The following RB1CC1 variants were observed in gnomAD, a reference collection of about 807,000 sequenced individuals.
RB1CC1 encodes RB1-inducible coiled-coil protein 1.
In RB1CC1, 46 loss-of-function variants were observed where a neutral mutation model predicts 177.5. The ratio of observed to expected loss-of-function variants is 0.26; its 90% CI spans 0.20 to 0.33. The LOEUF is 0.33. RB1CC1 is among the 10% of genes least tolerant of loss of function. RB1CC1 has a pLI of 1.00. For synonymous variants in RB1CC1, 666 were observed against 613.6 expected, an observed-to-expected ratio of 1.09 and a Z score of -1.26; for missense variants, 1,703 against 1,816.3, an observed-to-expected ratio of 0.94 and a Z score of 1.13.
At chr8:52,669,325 C>G (rs556044103) in intron 7 of RB1CC1, among the ~76,000 whole-genome samples, 1 of 152,092 alleles carries the variant, frequency 6.6e-6, no homozygotes, top group African/African-American at 2.4e-5. Flanking sequence ...CAAGATAAAC[C>G]GTGTTTTTCT....
chr8:52,636,093 TCA>T (rs1849122425), intron 18 of RB1CC1, 24 bp from the exon 19 acceptor site: 4 of 1,592,884 alleles, frequency 2.5e-6, no homozygotes, highest in Non-Finnish European at 3.4e-6. Context: ...TAATTGAGTT[TCA>T]GTTTGAAATT....
intron 18 of RB1CC1, among the ~76,000 whole-genome samples, chr8:52,641,417 A>G (rs375104720): frequency 6.6e-6 from 1 of 151,342 alleles, no homozygotes; most frequent in East Asian, 1.9e-4. Context: ...AAAATAAAAT[A>G]AAATAAAATA....
chr8:52,668,078 C>T lies in RB1CC1; in HGVS notation c.1116G>A (p.Leu372=). The part of the protein sequence containing the change: ...IKGLEDRLYA[L]DQMIASCGRL... ...GGCCACAGCTAGCAATCATCTGGTC[C>T]AGGGCGTAGAGCCGATCTTCAAGTC... Residue 372 remains leucine (L), a synonymous_variant, in exon 8 of 24, where the codon CTG becomes CTA. Transcript: ENST00000025008. The T allele has an allele frequency of 6.2e-7, 1 of 1,614,088 alleles. No individual in the cohort carries two copies. Among genetic ancestry groups the T allele is most frequent in the Non-Finnish European group, 8.5e-7 (1 of 1,179,984 alleles).
chr8:52,628,270 T>A, intron 21 of RB1CC1, 102 bp from the exon 22 acceptor site: 1 of 1,139,754 alleles, frequency 8.8e-7, no homozygotes, highest in East Asian at 2.6e-5. Flanking sequence ...TATTAAGATA[T>A]TAATGCAATA....
At chr8:52,666,306 G>T (rs573569824) in intron 8 of RB1CC1, among the ~76,000 whole-genome samples, 2 of 152,130 alleles carry the variant, frequency 1.3e-5, no homozygotes, top group Admixed American at 1.3e-4. Flanking sequence ...CAGGCCTGAG[G>T]TTAGGAATTT....
chr8:52,713,474 G>T (rs1050018074), intron 1 of RB1CC1, among the ~76,000 whole-genome samples: 1 of 152,214 alleles, frequency 6.6e-6, no homozygotes. Context: ...AAATCTATCC[G>T]TGGGGCGGGC....
chr8:52,677,098 G>C (rs1029275370), intron 5 of RB1CC1, among the ~76,000 whole-genome samples: 2 of 152,050 alleles, frequency 1.3e-5, no homozygotes, highest in East Asian at 1.9e-4. Flanking sequence ...ATTTATTAAG[G>C]ATAAATTACA....
chr8:52,648,719 A>G (rs1037484139), intron 15 of RB1CC1, among the ~76,000 whole-genome samples: 3 of 152,148 alleles, frequency 2.0e-5, no homozygotes, highest in Non-Finnish European at 2.9e-5. Flanking sequence ...TGGCAAAAAG[A>G]GAATGAATGG....
Position 52,657,117 on chromosome 8 carries a change from C to CTGAG in RB1CC1, c.2711_2712insCTCA (p.Glu904AspfsTer7). The CTGAG allele has an allele frequency of 6.2e-7, 1 of 1,610,138 alleles. No homozygotes were observed. On this transcript the variant is annotated frameshift_variant, in exon 15 of 24. Transcript: ENST00000025008. LOFTEE classifies it high-confidence loss of function. ...ATTCATTATCTTTATTTTGTAAAAC[C>CTGAG]TCCTCAAGGCATACTAACTCTCCCT...
At chr8:52,635,068 T>G in intron 19 of RB1CC1, 100 bp from the exon 20 acceptor site, 1 of 1,109,196 alleles carries the variant, frequency 9.0e-7, no homozygotes, top group Non-Finnish European at 1.3e-6. Flanking sequence ...AATGTTTGGT[T>G]CGGGTATGAA....
At chr8:52,670,959 A>G (rs1232249986) in intron 7 of RB1CC1, among the ~76,000 whole-genome samples, 1 of 152,128 alleles carries the variant, frequency 6.6e-6, no homozygotes, top group Non-Finnish European at 1.5e-5. Flanking sequence ...CCAACTCAAA[A>G]AAAAAAAAAG....
At chr8:52,669,099 TTC>T (rs747226558) in intron 7 of RB1CC1, among the ~76,000 whole-genome samples, 3 of 152,220 alleles carry the variant, frequency 2.0e-5, no homozygotes, top group Non-Finnish European at 4.4e-5. Context: ...CAAACTGTGT[TTC>T]TGACTGTTTA....
In RB1CC1 at chr8:52,656,218, T is replaced by G. The variant is rs773933433; in HGVS notation, c.3611A>C (p.Lys1204Thr). The G allele has an allele frequency of 6.2e-7, 1 of 1,613,534 alleles. No homozygotes were observed. The highest frequency in any genetic ancestry group is 8.5e-7 in the Non-Finnish European group (1 of 1,179,838). ...KDEKITQQEE[K>T]YEAIIQNLEK... is the part of the protein sequence containing the mutation. ...AAGGTTCTGGATAATAGCTTCGTATTTCTCTTCTTGTTGGGTAATTTTTTC... is the reference window on the plus strand; with the variant it reads ...AAGGTTCTGGATAATAGCTTCGTATGTCTCTTCTTGTTGGGTAATTTTTTC... Residue 1204 changes from lysine (K) to threonine (T), a missense_variant, in exon 15 of 24, where the codon AAA becomes ACA. Lys to Thr is a moderately conservative substitution (Grantham distance 78). Around this residue, in one of 6 missense-constraint regions of RB1CC1, gnomAD observed 1,169 missense variants for 1,184.7 expected, o/e 0.99. Transcript: ENST00000025008.
At chr8:52,689,936 GA>G (rs984002621) in intron 1 of RB1CC1, among the ~76,000 whole-genome samples, 55 of 143,672 alleles carry the variant, frequency 3.8e-4, no homozygotes, top group African/African-American at 1.1e-3. Flanking sequence ...TTTCTCAAAA[GA>G]AAAAAAAAAG....
intron 1 of RB1CC1, among the ~76,000 whole-genome samples, chr8:52,701,792 GAA>G (rs113491836): frequency 2.2e-4 from 31 of 137,798 alleles, no homozygotes; most frequent in East Asian, 8.3e-4. Flanking sequence ...AGTCTTCTTT[GAA>G]AAAAAAAAAA....
chr8:52,665,647 G>A (rs1295704833), intron 8 of RB1CC1, among the ~76,000 whole-genome samples: 1 of 152,214 alleles, frequency 6.6e-6, no homozygotes, highest in Non-Finnish European at 1.5e-5. Flanking sequence ...GATCAGGAAT[G>A]CAGAGTTCTG....
At chr8:52,644,974 C>T (rs1185108224) in intron 16 of RB1CC1, among the ~76,000 whole-genome samples, 3 of 152,150 alleles carry the variant, frequency 2.0e-5, no homozygotes, top group East Asian at 1.9e-4. Context: ...TGCAGTTCTC[C>T]AATCTTTCTC....
intron 5 of RB1CC1, among the ~76,000 whole-genome samples, chr8:52,679,035 T>C (rs527687101): frequency 3.3e-5 from 5 of 152,222 alleles, no homozygotes; most frequent in East Asian, 1.9e-4. Context: ...ACATACAATA[T>C]ATGCAGCAAA....
At chr8:52,660,885 A>G (rs1246956833) in intron 11 of RB1CC1, 41 bp downstream of exon 11, 2 of 1,525,216 alleles carry the variant, frequency 1.3e-6, no homozygotes, top group South Asian at 2.3e-5. Context: ...AAAAACTTTT[A>G]TCCTTTACAA....
Sources: gnomAD v4.1 joint callset for allele counts (sites outside exome capture counted in the v4.1 genomes callset) on GRCh38, gnomAD v4.1.1 for gene constraint, gnomAD v4.1.1 regional missense constraint, MANE v1.5 for transcripts, NCBI Gene and HGNC (gene_info 2026-07-23, HGNC 2026-07-21) for gene names.